TBC1D9: variants seen among roughly 807,000 people sequenced by gnomAD.
TBC1D9 encodes TBC1 domain family member 9, also known as TBC1 domain family member 9A.
In TBC1D9, 63 loss-of-function variants were observed where a neutral mutation model predicts 132.0. The observed-to-expected ratio is 0.48, with a 90% CI of 0.39 to 0.59. TBC1D9 has a LOEUF of 0.59. Among genes scored for constraint, TBC1D9 ranks in the 20% least tolerant of loss-of-function variants. TBC1D9 has a pLI of 0.00. For synonymous variants in TBC1D9, 610 were observed against 609.9 expected, an observed-to-expected ratio of 1.00 and a Z score of 0.00; for missense variants, 1,261 against 1,592.7, an observed-to-expected ratio of 0.79 and a Z score of 3.54.
At chr4:140,695,259 T>C (rs1578844364) in intron 2 of TBC1D9, among the ~76,000 whole-genome samples, 1 of 152,316 alleles carries the variant, frequency 6.6e-6, no homozygotes, top group South Asian at 2.1e-4. Flanking sequence ...GAATGTGAAC[T>C]TGGACAATTC....
intron 1 of TBC1D9, among the ~76,000 whole-genome samples, chr4:140,746,893 G>C (rs531849301): frequency 2.0e-5 from 3 of 152,134 alleles, no homozygotes; most frequent in African/African-American, 7.2e-5. Flanking sequence ...TAGGACGGGC[G>C]CAGTGGCTCA....
intron 16 of TBC1D9, among the ~76,000 whole-genome samples, chr4:140,632,736 G>C (rs1320712715): frequency 2.0e-5 from 3 of 152,094 alleles, no homozygotes; most frequent in Non-Finnish European, 4.4e-5. Context: ...TTGAGTACGT[G>C]GAATCAAACA....
At chr4:140,732,372 A>G (rs1337371483) in intron 1 of TBC1D9, among the ~76,000 whole-genome samples, 2 of 152,218 alleles carry the variant, frequency 1.3e-5, no homozygotes, top group Non-Finnish European at 2.9e-5. Context: ...ACTAATGGAT[A>G]TCTTTGGGCA....
chr4:140,636,567 T>G (rs1736884101), intron 15 of TBC1D9, among the ~76,000 whole-genome samples: 1 of 152,090 alleles, frequency 6.6e-6, no homozygotes, highest in Admixed American at 6.6e-5. Flanking sequence ...AATATATATT[T>G]TTTAGTGATG....
In TBC1D9 at chr4:140,657,256, GA is replaced by G. The variant is rs1737288385; in HGVS notation, c.2208-31del. The G allele has an allele frequency of 5.6e-6, 9 of 1,605,124 alleles. No homozygotes were observed. The East Asian group carries it at 2.0e-4, about 36-fold the overall frequency. ...AAGAAGAATGCATCAGAAGTCACAG[GA>G]GAAGAAACTGGAATCCTCCCATTAT... On this transcript the variant is annotated intron_variant, in intron 12 of 20. Coordinates refer to ENST00000442267, the MANE Select transcript of TBC1D9 (RefSeq NM_015130.3).
intron 6 of TBC1D9, among the ~76,000 whole-genome samples, chr4:140,672,598 G>A (rs572015008): frequency 2.9e-4 from 44 of 152,200 alleles, no homozygotes; most frequent in African/African-American, 9.6e-4. Flanking sequence ...AAATTCCTTC[G>A]TCTAGCTGGA....
chr4:140,693,051 C>CAA (rs200509731), intron 2 of TBC1D9, among the ~76,000 whole-genome samples: 1 of 151,732 alleles, frequency 6.6e-6, no homozygotes, highest in Non-Finnish European at 1.5e-5. Context: ...CAAAAAACAA[C>CAA]AAAAAAACTG....
intron 13 of TBC1D9, chr4:140,644,450 CG>C: frequency 3.4e-6 from 1 of 296,868 alleles, no homozygotes; most frequent in South Asian, 2.8e-5. Flanking sequence ...GGGGCGATGG[CG>C]GCGGGCTCAC....
intron 3 of TBC1D9, among the ~76,000 whole-genome samples, chr4:140,683,587 T>C (rs1737738591): frequency 6.6e-6 from 1 of 152,188 alleles, no homozygotes; most frequent in Non-Finnish European, 1.5e-5. Context: ...AATTTAAATA[T>C]GCAAAAGAAT....
intron 2 of TBC1D9, among the ~76,000 whole-genome samples, chr4:140,688,149 A>T (rs1481931538): frequency 6.6e-6 from 1 of 152,192 alleles, no homozygotes; most frequent in Non-Finnish European, 1.5e-5. Flanking sequence ...GAAAACACTG[A>T]AGCATACATT....
chr4:140,701,739 C>G, intron 1 of TBC1D9, 125 bp from the exon 2 acceptor site: 1 of 689,698 alleles, frequency 1.4e-6, no homozygotes, highest in Non-Finnish European at 2.4e-6. Flanking sequence ...CTGAACCACA[C>G]CTTGAAAAAT....
intron 10 of TBC1D9, among the ~76,000 whole-genome samples, chr4:140,660,937 C>T (rs541943808): frequency 3.2e-4 from 49 of 151,008 alleles, no homozygotes; most frequent in African/African-American, 1.0e-3. Context: ...TAATTTGAGA[C>T]GGAGTCTTGC....
intron 11 of TBC1D9, among the ~76,000 whole-genome samples, chr4:140,658,827 C>T (rs1010459851): frequency 6.6e-6 from 1 of 151,560 alleles, no homozygotes; most frequent in Admixed American, 6.6e-5. Flanking sequence ...AAAAAAATCA[C>T]ACTTCTGGAT....
chr4:140,631,707 A>G (rs1303961445), intron 16 of TBC1D9, among the ~76,000 whole-genome samples: 2 of 150,694 alleles, frequency 1.3e-5, no homozygotes, highest in Admixed American at 6.6e-5. Flanking sequence ...AGTGATTCTC[A>G]TATCTCAGCC....
chr4:140,645,023 G>C, intron 13 of TBC1D9: 2 of 474,828 alleles, frequency 4.2e-6, no homozygotes, highest in Middle Eastern at 4.6e-4. Context: ...AGGGGTGCGT[G>C]GCCAGATGGG....
intron 6 of TBC1D9, among the ~76,000 whole-genome samples, chr4:140,674,126 AT>A (rs750294835): frequency 6.6e-6 from 1 of 152,256 alleles, no homozygotes; most frequent in Non-Finnish European, 1.5e-5. Flanking sequence ...AGAAAATTAC[AT>A]TCAGAATTGG....
intron 1 of TBC1D9, among the ~76,000 whole-genome samples, chr4:140,725,121 AAC>A (rs1738478478): frequency 6.6e-6 from 1 of 152,238 alleles, no homozygotes; most frequent in African/African-American, 2.4e-5. Flanking sequence ...TATTTATTGC[AAC>A]AGTTTTATAG....
intron 1 of TBC1D9, among the ~76,000 whole-genome samples, chr4:140,705,790 T>C (rs1210298929): frequency 6.6e-6 from 1 of 152,186 alleles, no homozygotes; most frequent in Non-Finnish European, 1.5e-5. Flanking sequence ...CTTTTCTTCA[T>C]TTCCCACACA....
intron 2 of TBC1D9, among the ~76,000 whole-genome samples, chr4:140,691,412 A>G (rs568088141): frequency 2.6e-5 from 4 of 152,230 alleles, no homozygotes; most frequent in Non-Finnish European, 5.9e-5. Context: ...AGAACTTATT[A>G]AAGTGAGATA....
Sources: gnomAD v4.1 joint callset for allele counts (sites outside exome capture counted in the v4.1 genomes callset) on GRCh38, gnomAD v4.1.1 for gene constraint, MANE v1.5 for transcripts, NCBI Gene and HGNC (gene_info 2026-07-23, HGNC 2026-07-21) for gene names.